Variants in CCDC9 observed in about 807,000 individuals in gnomAD.
CCDC9 encodes coiled-coil domain-containing protein 9.
Under a neutral mutation model 65.6 loss-of-function variants are expected in CCDC9, and 52 were observed. That is an observed-to-expected ratio of 0.79 (90% CI 0.63 to 1.00). The LOEUF (loss-of-function observed/expected upper bound fraction) is 1.00. CCDC9 is among the 50% of genes least tolerant of loss of function. The pLI, the probability that CCDC9 is intolerant of heterozygous loss-of-function variation, is 0.00. For missense variants in CCDC9, 834 were observed against 757.2 expected, an observed-to-expected ratio of 1.10 and a Z score of -1.19; for synonymous variants, 332 against 280.3, an observed-to-expected ratio of 1.18 and a Z score of -1.84.
At chr19:47,261,016 C>A (rs866093053) in intron 5 of CCDC9, among the ~76,000 whole-genome samples, 177 bp downstream of exon 5, 1 of 152,022 alleles carries the variant, frequency 6.6e-6, no homozygotes, top group Non-Finnish European at 1.5e-5. Flanking sequence ...CTCCTGCTCC[C>A]CCTCTTCTAG....
chr19:47,275,530 C>A, downstream of CCDC9: 1 of 823,242 alleles, frequency 1.2e-6, no homozygotes, highest in Non-Finnish European at 1.8e-6. Flanking sequence ...CCTCTTGCAG[C>A]TACTCTGTGG....
chr19:47,258,772 A>G lies in CCDC9; in HGVS notation c.108+109A>G. On this transcript the variant is annotated intron_variant, in intron 3 of 11. Transcript: ENST00000221922. ...TTCATGGCTCCCCATCACTGTCAGGATAAAGGCCAAAGGCCTTAGCCTGAC... is the reference window on the plus strand; with the variant it reads ...TTCATGGCTCCCCATCACTGTCAGGGTAAAGGCCAAAGGCCTTAGCCTGAC... The G allele has an allele frequency of 3.8e-6, 3 of 784,664 alleles. No individual in the cohort carries two copies. In the South Asian group the frequency reaches 4.5e-5, roughly 12 times the overall value. The allele number at this position is 784,664 out of a possible 1,614,324, so 48.6% of individuals were successfully genotyped here.
At chr19:47,275,443 C>T (rs753396342), downstream of CCDC9, 32 of 1,416,500 alleles carry the variant, frequency 2.3e-5, no homozygotes, top group African/African-American at 4.5e-5. Context: ...GGCCTTCTTC[C>T]TAATGACATC....
At chr19:47,272,268 T>C, downstream of CCDC9, 1 of 740,268 alleles carries the variant, frequency 1.4e-6, no homozygotes, top group Middle Eastern at 4.4e-4. Context: ...TAGGTAGCAG[T>C]TGGACCATAG....
intron 5 of CCDC9, among the ~76,000 whole-genome samples, chr19:47,262,378 G>A (rs766780698): frequency 1.3e-5 from 2 of 151,970 alleles, no homozygotes; most frequent in African/African-American, 2.4e-5. Context: ...CACCACACCC[G>A]GCTAGTTTTT....
chr19:47,258,892 GA>G (rs1181729611), intron 3 of CCDC9, among the ~76,000 whole-genome samples: 5 of 152,196 alleles, frequency 3.3e-5, no homozygotes, highest in Non-Finnish European at 7.3e-5. Flanking sequence ...TGGTGCTGGG[GA>G]TATAGCTGTG....
chr19:47,262,518 G>C (rs1020559553), intron 5 of CCDC9, among the ~76,000 whole-genome samples: 2 of 152,014 alleles, frequency 1.3e-5, no homozygotes, highest in African/African-American at 4.8e-5. Context: ...CGCCCGGCCT[G>C]GTTCCTGTTT....
intron 8 of CCDC9, among the ~76,000 whole-genome samples, chr19:47,267,059 G>A (rs1398271112): frequency 1.3e-5 from 2 of 150,968 alleles, no homozygotes; most frequent in Non-Finnish European, 2.9e-5. Context: ...CCGCCTCCCA[G>A]GTTCACACCA....
intron 3 of CCDC9, among the ~76,000 whole-genome samples, chr19:47,258,870 C>T (rs910540694): frequency 2.5e-4 from 38 of 152,290 alleles, no homozygotes; most frequent in African/African-American, 9.1e-4. Flanking sequence ...CTTTACCAGC[C>T]CCAGTGCTGA....
At chr19:47,272,164 G>A (rs180784368), downstream of CCDC9, 8 of 1,234,908 alleles carry the variant, frequency 6.5e-6, no homozygotes, top group Admixed American at 2.5e-4. Flanking sequence ...AACTCCAGGT[G>A]GGGGAGTGCA....
At chr19:47,263,988 C>T (rs890066569) in intron 5 of CCDC9, among the ~76,000 whole-genome samples, 3 of 152,128 alleles carry the variant, frequency 2.0e-5, no homozygotes, top group African/African-American at 7.2e-5. Context: ...AAGTGATTCT[C>T]TTGCCTCAGC....
downstream of CCDC9, chr19:47,273,272 G>T: frequency 1.2e-6 from 1 of 818,606 alleles, no homozygotes; most frequent in Non-Finnish European, 1.6e-6. Context: ...GATGAGAGAC[G>T]TGGCTAGACG....
chr19:47,270,364 C>T lies in CCDC9; in HGVS notation c.903-43C>T, dbSNP rs374668118. On this transcript the variant is annotated intron_variant, in intron 8 of 11. Transcript: ENST00000221922. ...CCCATCTTCTTGATCCTCTTGTTAC[C>T]CTGTTCCCCCAGCTGCCCGCTCACC... The T allele has an allele frequency of 1.7e-3, 2,762 of 1,602,540 alleles. 51 individuals are homozygous for T. In the South Asian group the frequency reaches 0.029, roughly 17 times the overall value.
downstream of CCDC9, chr19:47,274,109 A>G: frequency 4.6e-6 from 2 of 438,316 alleles, no homozygotes; most frequent in Non-Finnish European, 6.1e-6. Flanking sequence ...CCTTGGCTCT[A>G]GGGAGAGGGA....
At chr19:47,263,274 C>T (rs1417584982) in intron 5 of CCDC9, among the ~76,000 whole-genome samples, 2 of 152,158 alleles carry the variant, frequency 1.3e-5, no homozygotes, top group African/African-American at 4.8e-5. Context: ...ACACTGAACT[C>T]GCAGGTTCAG....
Position 47,264,833 on chromosome 19 carries a change from G to A in CCDC9, c.607G>A (p.Gly203Arg), listed in dbSNP as rs201111116. 1.5e-4 allele frequency: 226 copies of A among 1,554,074 alleles called. No individual in the cohort carries two copies. The highest frequency in any genetic ancestry group is 7.0e-4 in the Admixed American group (38 of 54,274). Residue 203 changes from glycine (G) to arginine (R), a missense_variant, in exon 7 of 12, where the codon GGG becomes AGG. By Grantham distance (125) the Gly-to-Arg change is moderately radical. Coordinates refer to ENST00000221922, the MANE Select transcript of CCDC9 (RefSeq NM_015603.3). ...NFLDDPRRRS[G>R]PLEESERDRR... ...CCTGGACGACCCCCGGCGACGCAGCGGGCCCCTGGAGGAGTCTGAGCGGGA... is the reference window on the plus strand; with the variant it reads ...CCTGGACGACCCCCGGCGACGCAGCAGGCCCCTGGAGGAGTCTGAGCGGGA...
chr19:47,260,467 C>T lies in CCDC9; in HGVS notation c.210+45C>T, dbSNP rs766811702. 5 of 1,606,780 alleles carry T rather than the reference C, an allele frequency of 3.1e-6. No homozygotes were observed. The South Asian group carries it at 5.5e-5, about 18-fold the overall frequency. On this transcript the variant is annotated intron_variant, in intron 4 of 11. Coordinates refer to ENST00000221922, the MANE Select transcript of CCDC9 (RefSeq NM_015603.3). ...GTGGGACCCTGAGGATGGGGAGGGGCAGAGGGTTGAGGCCTGGGACCCAGG... is the reference window on the plus strand; with the variant it reads ...GTGGGACCCTGAGGATGGGGAGGGGTAGAGGGTTGAGGCCTGGGACCCAGG...
At chr19:47,266,536 G>T in intron 7 of CCDC9, 75 bp from the exon 8 acceptor site, 1 of 1,442,392 alleles carries the variant, frequency 6.9e-7, no homozygotes, top group Non-Finnish European at 9.1e-7. Flanking sequence ...TCCTGAGCAA[G>T]TGGATGTGCC....
At chr19:47,261,015 C>T (rs530120426) in intron 5 of CCDC9, among the ~76,000 whole-genome samples, 176 bp downstream of exon 5, 1 of 152,082 alleles carries the variant, frequency 6.6e-6, no homozygotes, top group African/African-American at 2.4e-5. Flanking sequence ...CCTCCTGCTC[C>T]CCCTCTTCTA....
Sources: gnomAD v4.1 joint callset for allele counts (sites outside exome capture counted in the v4.1 genomes callset) on GRCh38, gnomAD v4.1.1 for gene constraint, MANE v1.5 for transcripts, NCBI Gene and HGNC (gene_info 2026-07-23, HGNC 2026-07-21) for gene names.